DOCK9: variants seen among roughly 807,000 people sequenced by gnomAD.
The protein encoded by DOCK9 is dedicator of cytokinesis protein 9.
A neutral mutation model predicts 263.3 loss-of-function variants in DOCK9; 89 were observed. That is an observed-to-expected ratio of 0.34 (90% CI 0.28 to 0.40). DOCK9 has a LOEUF of 0.40. DOCK9 is among the 10% of genes least tolerant of loss of function. The pLI, the probability that DOCK9 is intolerant of heterozygous loss-of-function variation, is 1.00. For synonymous variants in DOCK9, 976 were observed against 973.1 expected (o/e 1.00, Z -0.06); for missense variants, 2,140 against 2,603.4 (o/e 0.82, Z 3.87).
chr13:98,910,262 A>G (rs1206591359), intron 9 of DOCK9, among the ~76,000 whole-genome samples: 1 of 152,240 alleles, frequency 6.6e-6, no homozygotes, highest in Non-Finnish European at 1.5e-5. Flanking sequence ...GAAATCAATT[A>G]ACTAACTTGA....
chr13:98,845,335 C>T (rs1467490069), intron 38 of DOCK9: 2 of 1,361,468 alleles, frequency 1.5e-6, no homozygotes, highest in South Asian at 2.3e-5. Context: ...TTACCATTGT[C>T]TACAGAAATT....
intron 2 of DOCK9, among the ~76,000 whole-genome samples, chr13:98,953,883 C>CATAAA (rs1012486922): frequency 1.3e-5 from 2 of 152,204 alleles, no homozygotes; most frequent in African/African-American, 4.8e-5. Flanking sequence ...ATTTCATTCC[C>CATAAA]ATGGGCATTC....
chr13:99,062,406 G>A (rs866232219), intron 1 of DOCK9, among the ~76,000 whole-genome samples: 2 of 152,054 alleles, frequency 1.3e-5, no homozygotes, highest in Non-Finnish European at 2.9e-5. Flanking sequence ...AATCTATTTC[G>A]TTTTTCTAAT....
At chr13:98,886,682 T>C in intron 18 of DOCK9, 58 bp from the exon 19 acceptor site, 2 of 1,474,304 alleles carry the variant, frequency 1.4e-6, no homozygotes, top group Non-Finnish European at 9.5e-7. Context: ...GAAATTAAAC[T>C]TGGATATATC....
chr13:99,056,107 G>C (rs1187997278), intron 1 of DOCK9, among the ~76,000 whole-genome samples: 1 of 152,212 alleles, frequency 6.6e-6, no homozygotes. Context: ...GGTCTTTCCA[G>C]TTTAGTGAAC....
At chr13:98,943,885 A>G (rs1253307479) in intron 2 of DOCK9, among the ~76,000 whole-genome samples, 1 of 152,230 alleles carries the variant, frequency 6.6e-6, no homozygotes, top group Non-Finnish European at 1.5e-5. Context: ...TATATACTTC[A>G]TAAATTTCCA....
intron 1 of DOCK9, among the ~76,000 whole-genome samples, chr13:99,037,136 T>C (rs146080007): frequency 1.3e-5 from 2 of 152,316 alleles, no homozygotes; most frequent in Non-Finnish European, 2.9e-5. Flanking sequence ...AATTTTATTA[T>C]GTGTATTTCA....
chr13:98,819,094 T>A (rs1345816071), intron 45 of DOCK9, among the ~76,000 whole-genome samples: 1 of 152,174 alleles, frequency 6.6e-6, no homozygotes, highest in Non-Finnish European at 1.5e-5. Context: ...TTTCCCAAGG[T>A]ACAGTTGAGG....
At chr13:98,834,409 A>G (rs143488255) in intron 39 of DOCK9, 14 of 152,302 alleles carry the variant, frequency 9.2e-5, no homozygotes, top group African/African-American at 3.1e-4. Flanking sequence ...CCTAAGCCTC[A>G]TGTGTCTGCC....
intron 1 of DOCK9, among the ~76,000 whole-genome samples, chr13:98,967,654 G>C (rs1454792932): frequency 1.3e-5 from 2 of 152,158 alleles, no homozygotes; most frequent in African/African-American, 2.4e-5. Context: ...GATGCTTCAG[G>C]CTCCACGTCG....
intron 2 of DOCK9, among the ~76,000 whole-genome samples, chr13:98,931,671 C>G (rs2053960350): frequency 6.6e-6 from 1 of 152,102 alleles, no homozygotes; most frequent in Non-Finnish European, 1.5e-5. Context: ...GATCTCGGCT[C>G]ACTGCAACCT....
At chr13:98,798,522 C>T (rs2089719488) in intron 50 of DOCK9, among the ~76,000 whole-genome samples, 1 of 68,428 alleles carries the variant, frequency 1.5e-5, no homozygotes, top group South Asian at 3.5e-4. Context: ...GTATTCATCA[C>T]CTGAAGACGA....
intron 33 of DOCK9, chr13:98,859,749 G>GTATATATATATATATATATATATATA (rs772535372): frequency 7.3e-6 from 1 of 136,764 alleles, no homozygotes; most frequent in Non-Finnish European, 1.6e-5. Flanking sequence ...GTGTGTGTGT[G>GTATATATATATATATATATATATATA]TGTGTATATA....
intron 15 of DOCK9, among the ~76,000 whole-genome samples, chr13:98,896,399 G>A (rs1276502403): frequency 6.7e-6 from 1 of 149,252 alleles, no homozygotes; most frequent in Non-Finnish European, 1.5e-5. Context: ...ACTGAAGACA[G>A]ATAAGAAAAA....
intron 33 of DOCK9, chr13:98,859,922 T>C (rs544762849): frequency 6.5e-6 from 1 of 154,328 alleles, no homozygotes; most frequent in South Asian, 2.1e-4. Flanking sequence ...GCCGCTCTTC[T>C]GTTATTTCAC....
intron 7 of DOCK9, among the ~76,000 whole-genome samples, chr13:98,920,584 C>T (rs1043213860): frequency 3.9e-5 from 6 of 152,314 alleles, no homozygotes; most frequent in East Asian, 1.9e-4. Context: ...ACAATGCTAG[C>T]GATAAAAATC....
At chr13:98,885,885 A>C (rs1297166487) in intron 19 of DOCK9, 54 bp from the exon 20 acceptor site, 6 of 1,547,024 alleles carry the variant, frequency 3.9e-6, no homozygotes, top group Middle Eastern at 1.7e-4. Context: ...AGAAACTCTC[A>C]GTGGAAGCAG....
At chr13:98,926,173 A>T (rs540045026) in intron 3 of DOCK9, among the ~76,000 whole-genome samples, 3 of 152,224 alleles carry the variant, frequency 2.0e-5, no homozygotes, top group Non-Finnish European at 4.4e-5. Flanking sequence ...AGGTTTTACA[A>T]GGAGACAACT....
chr13:98,956,878 TAAG>T (rs1049549971), intron 1 of DOCK9, among the ~76,000 whole-genome samples: 1 of 152,246 alleles, frequency 6.6e-6, no homozygotes, highest in African/African-American at 2.4e-5. Flanking sequence ...AATTTTTATA[TAAG>T]AAGTATATTA....
Sources: allele counts gnomAD v4.1 joint callset (sites outside exome capture counted in the v4.1 genomes callset), GRCh38; gene constraint gnomAD v4.1.1; transcripts MANE v1.5; gene names NCBI Gene and HGNC (gene_info 2026-07-23, HGNC 2026-07-21).